ZNF594: variants seen among roughly 807,000 people sequenced by gnomAD.
ZNF594 encodes zinc finger protein 594.
For synonymous variants in ZNF594, 336 were observed against 309.4 expected (o/e 1.09, Z -0.90); for missense variants, 1,037 against 964.6 (o/e 1.08, Z -0.99).
chr17:5,190,651 G>A (rs1046928396), intron 1 of ZNF594, among the ~76,000 whole-genome samples: 3 of 152,278 alleles, frequency 2.0e-5, no homozygotes, highest in South Asian at 2.1e-4. Flanking sequence ...AAAGCGCTGC[G>A]GTGGCAATCC....
chr17:5,177,932 G>A (rs2074316730), downstream of ZNF594, among the ~76,000 whole-genome samples: 1 of 152,082 alleles, frequency 6.6e-6, no homozygotes, highest in Admixed American at 6.6e-5. Context: ...TGAATTATTA[G>A]AAGTCAAACC....
chr17:5,191,572 C>G (rs2074424871), intron 1 of ZNF594, 176 bp downstream of exon 1: 1 of 152,548 alleles, frequency 6.6e-6, no homozygotes, highest in Non-Finnish European at 1.5e-5. Context: ...TGGGGCACGC[C>G]GAGACCAAGA....
In ZNF594 at chr17:5,180,918, G is replaced by A. The variant is rs2074334381; in HGVS notation, c.*915C>T. ...CCATCAGACTTTTCCTAGTTTTACT[G>A]CATTCATTAGGTTTCTGCTACCTAT... On this transcript the variant is annotated 3_prime_UTR_variant, in exon 2 of 2. Coordinates refer to ENST00000575779, the MANE Select transcript of ZNF594 (RefSeq NM_032530.2). The A allele has an allele frequency of 1.6e-6, 1 of 626,602 alleles. No homozygotes were observed. The highest frequency in any genetic ancestry group is 2.9e-6 in the Non-Finnish European group (1 of 341,612). 38.8% of individuals were successfully genotyped at this position (626,602 alleles called of 1,614,324 possible).
At chr17:5,190,359 T>C (rs540581248) in intron 1 of ZNF594, among the ~76,000 whole-genome samples, 15 of 152,272 alleles carry the variant, frequency 9.9e-5, no homozygotes, top group African/African-American at 3.6e-4. Flanking sequence ...AGAGCGAGAC[T>C]CTGTCTTAAG....
At chr17:5,187,303 T>G (rs1045032726) in intron 1 of ZNF594, among the ~76,000 whole-genome samples, 1 of 152,218 alleles carries the variant, frequency 6.6e-6, no homozygotes, top group Non-Finnish European at 1.5e-5. Flanking sequence ...CTCATGAGAC[T>G]TATTCACTAC....
At chr17:5,184,520 G>A (rs1037631757) in intron 1 of ZNF594, 2 of 398,626 alleles carry the variant, frequency 5.0e-6, no homozygotes, top group Non-Finnish European at 9.0e-6. Flanking sequence ...CTAAAGGGTG[G>A]TGAATTAATT....
rs957966688 is a variant in ZNF594 at position 5,181,922 on chromosome 17, G to A, written c.2335C>T (p.His779Tyr). 12 of 1,613,996 alleles carry A rather than the reference G, an allele frequency of 7.4e-6. No homozygotes were observed. Among genetic ancestry groups the A allele is most frequent in the African/African-American group, 6.7e-5 (5 of 74,920 alleles). ...TFQGSSDLIR[H>Y]QVTHTREKPY... is the part of the protein sequence containing the mutation. The stretch of plus-strand genomic sequence containing the variant: ...TTCTCTCTTGTATGAGTTACCTGAT[G>A]TCTGATGAGATCTGAGCTGCCCTGG... Residue 779 changes from histidine (H) to tyrosine (Y), a missense_variant, in exon 2 of 2, where the codon CAT (histidine) becomes TAT (tyrosine). His to Tyr is a moderately conservative substitution (Grantham distance 83). Coordinates refer to ENST00000575779, the MANE Select transcript of ZNF594 (RefSeq NM_032530.2).
At chr17:5,175,280 C>G (rs1485875355), downstream of ZNF594, among the ~76,000 whole-genome samples, 1 of 152,182 alleles carries the variant, frequency 6.6e-6, no homozygotes. Flanking sequence ...TGAGCTCTGC[C>G]TCCTGTTAGA....
chr17:5,176,875 A>G (rs1182393228), downstream of ZNF594, among the ~76,000 whole-genome samples: 2 of 152,212 alleles, frequency 1.3e-5, no homozygotes, highest in Non-Finnish European at 2.9e-5. Context: ...GGAAAAAAAA[A>G]GCAACAGAAA....
rs1294021088 is a variant in ZNF594, at chr17:5,183,976, G to A, written c.281C>T (p.Ala94Val). ...GCNEGEKILS[A>V]GESSHRYEVS... ...CTCATATCTATGGGAGCTTTCTCCT[G>A]CAGAAAGTATTTTTTCTCCTTCATT... Residue 94 changes from alanine (A) to valine (V), a missense_variant, in exon 2 of 2, where the codon GCA becomes GTA. Transcript: ENST00000575779. 1 of 1,613,952 alleles carries A rather than the reference G, an allele frequency of 6.2e-7. No homozygotes were observed. The highest frequency in any genetic ancestry group is 1.3e-5 in the African/African-American group (1 of 74,916).
intron 1 of ZNF594, among the ~76,000 whole-genome samples, chr17:5,186,168 AT>A (rs1486477682): frequency 6.6e-6 from 1 of 152,168 alleles, no homozygotes; most frequent in Non-Finnish European, 1.5e-5. Context: ...TCTCCATGAG[AT>A]CCCTGCCCCT....
rs761657898 is a variant in ZNF594 at position 5,182,329 on chromosome 17, T to C, written c.1928A>G (p.His643Arg). 6 of 1,613,256 alleles carry C rather than the reference T, an allele frequency of 3.7e-6. No homozygotes were observed. Among genetic ancestry groups the C allele is most frequent in the Admixed American group, 1.7e-5 (1 of 59,978 alleles). Residue 643 changes from histidine (H) to arginine (R), a missense_variant, in exon 2 of 2, where the codon CAT (histidine) becomes CGT (arginine). Transcript: ENST00000575779. ...GGGTTTCTCTCCAGTATGAATACGA[T>C]GGTGTTTAATAAGATCTGAGCTACC... is the stretch of plus-strand genomic sequence containing the variant. ...FRGSSDLIKH[H>R]RIHTGEKPYE...
At position 5,180,611 on chromosome 17, in the gene ZNF594, G is replaced by C. The variant is rs534738131; in HGVS notation, c.*1222C>G. ...CCTTTGGGAGGCTGAGGAGGGAGGA[G>C]TGCTTGAGCCCAAGAGTTCAAGTCC... is the stretch of plus-strand genomic sequence containing the variant. On this transcript the variant is annotated 3_prime_UTR_variant, in exon 2 of 2. Transcript: ENST00000575779. 1 of 192,324 alleles carries C rather than the reference G, an allele frequency of 5.2e-6. No individual in the cohort carries two copies. The highest frequency in any genetic ancestry group is 5.4e-5 in the Admixed American group (1 of 18,504). The allele number at this position is 192,324 out of a possible 1,614,324, so 11.9% of individuals were successfully genotyped here. A position where few individuals can be genotyped will look rare whatever the true frequency, so the allele number is the denominator to read the frequency against.
At chr17:5,186,051 G>A (rs563768339) in intron 1 of ZNF594, among the ~76,000 whole-genome samples, 2 of 152,306 alleles carry the variant, frequency 1.3e-5, no homozygotes, top group South Asian at 4.1e-4. Context: ...CTGGGGTCTG[G>A]AGGTCATTGG....
downstream of ZNF594, among the ~76,000 whole-genome samples, chr17:5,175,708 T>G (rs1458016455): frequency 6.6e-6 from 1 of 152,064 alleles, no homozygotes. Flanking sequence ...AAGCTTCTCA[T>G]TTGCATAATG....
chr17:5,186,816 G>A (rs2074389235), intron 1 of ZNF594, among the ~76,000 whole-genome samples: 1 of 152,156 alleles, frequency 6.6e-6, no homozygotes, highest in Non-Finnish European at 1.5e-5. Context: ...TGCCACCAGT[G>A]TCTTTGCTAA....
downstream of ZNF594, chr17:5,174,764 T>G (rs2074290185): frequency 5.0e-6 from 1 of 200,590 alleles, no homozygotes; most frequent in East Asian, 7.8e-5. Flanking sequence ...AGCGGAAAAT[T>G]TATTAAATTA....
At chr17:5,177,090 G>T (rs1212812718), downstream of ZNF594, among the ~76,000 whole-genome samples, 2 of 151,962 alleles carry the variant, frequency 1.3e-5, no homozygotes, top group Non-Finnish European at 2.9e-5. Context: ...CAGCTACTCG[G>T]CAGGCTGAGG....
chr17:5,178,492 G>C (rs540346852), downstream of ZNF594, among the ~76,000 whole-genome samples: 4 of 152,166 alleles, frequency 2.6e-5, no homozygotes, highest in African/African-American at 9.7e-5. Flanking sequence ...ACTGAAACCT[G>C]TTCCCTGGAA....
Sources: gnomAD v4.1 joint callset for allele counts (sites outside exome capture counted in the v4.1 genomes callset) on GRCh38, gnomAD v4.1.1 for gene constraint, MANE v1.5 for transcripts, NCBI Gene and HGNC (gene_info 2026-07-23, HGNC 2026-07-21) for gene names.